The following SGCG variants were observed in gnomAD, a reference collection of about 807,000 sequenced individuals.
SGCG encodes sarcoglycan gamma.
In SGCG, 26 loss-of-function variants were observed where a neutral mutation model predicts 29.3. That is an observed-to-expected ratio of 0.89 (90% CI 0.65 to 1.23). SGCG has a LOEUF of 1.23. Among genes scored for constraint, SGCG ranks in the 50% most tolerant of loss-of-function variants. SGCG has a pLI of 0.00. For missense variants in SGCG, 353 were observed against 356.0 expected, an observed-to-expected ratio of 0.99 and a Z score of 0.07; for synonymous variants, 145 against 129.7, an observed-to-expected ratio of 1.12 and a Z score of -0.80.
At chr13:23,310,857 T>C (rs1319432190) in intron 6 of SGCG, among the ~76,000 whole-genome samples, 5 of 152,204 alleles carry the variant, frequency 3.3e-5, no homozygotes, top group Non-Finnish European at 7.3e-5. Context: ...AATAATATTT[T>C]TAAAAACTTA....
chr13:23,217,927 T>A (rs942733259), intron 2 of SGCG, among the ~76,000 whole-genome samples: 1 of 152,048 alleles, frequency 6.6e-6, no homozygotes, highest in Non-Finnish European at 1.5e-5. Context: ...TGATACAAAA[T>A]ATTTACAACA....
chr13:23,188,480 ATTTTTTTTTTT>A (rs71218545), intron 1 of SGCG, among the ~76,000 whole-genome samples: 1 of 120,492 alleles, frequency 8.3e-6, no homozygotes. Flanking sequence ...CGCCTGCCTA[ATTTTTTTTTTT>A]TTTTTTTTTT....
chr13:23,205,139 A>G lies in SGCG; in HGVS notation c.195+1250A>G, dbSNP rs181329265. 3.3e-3 allele frequency among the ~76,000 whole-genome samples: 502 copies of G among 152,282 alleles called. 2 individuals are homozygous for G. The highest frequency in any genetic ancestry group is 0.011 in the African/African-American group (473 of 41,548). On this transcript the variant is annotated intron_variant, in intron 2 of 7. Coordinates refer to ENST00000218867, the MANE Select transcript of SGCG (RefSeq NM_000231.3). ...ATATATTCAAATTAATCCAATTTAA[A>G]TTGTGATTTCTTAGTTAAAATTCAT...
chr13:23,229,584 G>A (rs1472050830), intron 2 of SGCG, among the ~76,000 whole-genome samples: 1 of 152,076 alleles, frequency 6.6e-6, no homozygotes, highest in East Asian at 1.9e-4. Flanking sequence ...CCACATGTGT[G>A]TTTTCTTTTG....
chr13:23,308,571 ATT>A (rs199573084), intron 6 of SGCG, among the ~76,000 whole-genome samples: 1 of 147,512 alleles, frequency 6.8e-6, no homozygotes, highest in Non-Finnish European at 1.5e-5. Flanking sequence ...TTTTCATGTA[ATT>A]TTTTTTTTTG....
At chr13:23,236,539 G>C (rs558499243) in intron 3 of SGCG, among the ~76,000 whole-genome samples, 1 of 151,964 alleles carries the variant, frequency 6.6e-6, no homozygotes, top group African/African-American at 2.4e-5. Flanking sequence ...TCAGCCGGGC[G>C]TGGTGGCGGG....
intron 2 of SGCG, among the ~76,000 whole-genome samples, chr13:23,206,018 C>A (rs568621457): frequency 6.6e-6 from 1 of 152,222 alleles, no homozygotes; most frequent in East Asian, 1.9e-4. Context: ...GACGTAATTA[C>A]CTTAGGTGCA....
At position 23,284,397 on chromosome 13, in the gene SGCG, C is replaced by T. The variant is rs200166573; in HGVS notation, c.505+4919C>T. Among the ~76,000 whole-genome samples, 10 of 152,112 alleles carry T rather than the reference C, an allele frequency of 6.6e-5. No homozygotes were observed. In the East Asian group the frequency reaches 1.2e-3, roughly 18 times the overall value. On this transcript the variant is annotated intron_variant, in intron 5 of 7. Transcript: ENST00000218867. ...TATCCTTTCTTCTGATTGATCAATT[C>T]GGCTATTGATACTTGTGTATGCTTC...
chr13:23,324,111 G>C (rs953783432), intron 7 of SGCG, among the ~76,000 whole-genome samples: 1 of 152,216 alleles, frequency 6.6e-6, no homozygotes, highest in Non-Finnish European at 1.5e-5. Context: ...ACATTTCTCA[G>C]CTGCACTCAA....
At chr13:23,268,242 A>G (rs1880717568) in intron 4 of SGCG, 1 of 152,252 alleles carries the variant, frequency 6.6e-6, no homozygotes, top group South Asian at 2.1e-4. Flanking sequence ...GTGGCCAACA[A>G]TTCTGTAAGG....
At chr13:23,213,819 C>A (rs1249790312) in intron 2 of SGCG, among the ~76,000 whole-genome samples, 1 of 152,114 alleles carries the variant, frequency 6.6e-6, no homozygotes, top group Non-Finnish European at 1.5e-5. Flanking sequence ...GGCAGGTGCC[C>A]CTAAGGCAGC....
intron 6 of SGCG, among the ~76,000 whole-genome samples, chr13:23,309,725 G>A (rs1237238976): frequency 6.6e-6 from 1 of 152,262 alleles, no homozygotes; most frequent in East Asian, 1.9e-4. Context: ...CTTTCAAACA[G>A]TGTGTGTAAG....
rs1882050062 is a variant in SGCG, at chr13:23,299,441, TATATATATATA to T, written c.578+3955_578+3965del. ...ATATATATATATATATATATATATA[TATATATATATA>T]TATATTTTTTTTTTTTTTTTAGTCG... is the stretch of plus-strand genomic sequence containing the variant. On this transcript the variant is annotated intron_variant, in intron 6 of 7. Coordinates refer to ENST00000218867, the MANE Select transcript of SGCG (RefSeq NM_000231.3). 1.1e-3 allele frequency among the ~76,000 whole-genome samples: 24 copies of T among 21,738 alleles called. 2 individuals carry two copies. Among genetic ancestry groups the T allele is most frequent in the East Asian group, 2.9e-3 (2 of 694 alleles). The allele number at this position is 21,738 out of a possible 152,430, so 14.3% of individuals were successfully genotyped here.
At chr13:23,248,090 C>T (rs538434422) in intron 3 of SGCG, among the ~76,000 whole-genome samples, 28 of 150,584 alleles carry the variant, frequency 1.9e-4, no homozygotes, top group Non-Finnish European at 2.9e-4. Flanking sequence ...GCCTAGGCAA[C>T]ATAGTGAGAC....
chr13:23,233,141 T>C (rs73435020), intron 2 of SGCG, among the ~76,000 whole-genome samples: 1,729 of 152,226 alleles, frequency 0.011, 28 homozygotes, highest in African/African-American at 0.039. Context: ...GCATTTACAA[T>C]GCCCAAAATG....
chr13:23,207,044 G>A (rs1031931623), intron 2 of SGCG, among the ~76,000 whole-genome samples: 8 of 152,120 alleles, frequency 5.3e-5, no homozygotes, highest in Non-Finnish European at 7.4e-5. Flanking sequence ...CGCTAGAGGC[G>A]TCATGCTTCC....
chr13:23,185,277 C>T (rs943885682), intron 1 of SGCG, among the ~76,000 whole-genome samples: 3 of 152,148 alleles, frequency 2.0e-5, no homozygotes, highest in East Asian at 3.9e-4. Flanking sequence ...CTACACCCTC[C>T]GCCTTCTGGG....
chr13:23,242,455 C>T (rs1395482425), intron 3 of SGCG, among the ~76,000 whole-genome samples: 1 of 152,082 alleles, frequency 6.6e-6, no homozygotes, highest in Non-Finnish European at 1.5e-5. Context: ...TCTTTCACAG[C>T]TCCTTCTATA....
chr13:23,288,116 T>C (rs556518345), intron 5 of SGCG, among the ~76,000 whole-genome samples: 8 of 152,206 alleles, frequency 5.3e-5, no homozygotes, highest in Non-Finnish European at 8.8e-5. Context: ...TTTTCTCCAC[T>C]ACCTGTGATA....
Sources: allele counts gnomAD v4.1 joint callset (sites outside exome capture counted in the v4.1 genomes callset), GRCh38; gene constraint gnomAD v4.1.1; transcripts MANE v1.5; gene names NCBI Gene and HGNC (gene_info 2026-07-23, HGNC 2026-07-21).